The following YWHAZ variants were observed in gnomAD, a reference collection of about 807,000 sequenced individuals.
YWHAZ encodes the protein 14-3-3 protein zeta/delta.
For synonymous variants in YWHAZ, 87 were observed against 103.6 expected (o/e 0.84, Z 0.97); for missense variants, 79 against 284.8 (o/e 0.28, Z 5.20).
At position 100,916,552 on chromosome 8, in the gene YWHAZ, A is replaced by C. The variant is rs888879835; in HGVS notation, c.*4141T>G. ...CAAAGCAAACATCCAATGTTAGAAA[A>C]TGTAAGCACAAACTGAAAATTCATA... On this transcript the variant is annotated 3_prime_UTR_variant, in exon 6 of 6. Coordinates refer to ENST00000395958, the MANE Select transcript of YWHAZ (RefSeq NM_145690.3). 10 of 152,258 alleles carry C rather than the reference A, an allele frequency of 6.6e-5. No individual in the cohort carries two copies. The highest frequency in any genetic ancestry group is 2.9e-5 in the Non-Finnish European group (2 of 68,036). The allele number at this position is 152,258 out of a possible 1,614,324, so 9.4% of individuals were successfully genotyped here. A position where few individuals can be genotyped will look rare whatever the true frequency, so the allele number is the denominator to read the frequency against.
In YWHAZ at chr8:100,943,108, G is replaced by T. The variant is rs1262930847; in HGVS notation, c.294+5488C>A. 3.9e-5 allele frequency among the ~76,000 whole-genome samples: 6 copies of T among 152,222 alleles called. No individual in the cohort carries two copies. The East Asian group carries it at 1.2e-3, about 29-fold the overall frequency. On this transcript the variant is annotated intron_variant, in intron 2 of 5. Coordinates refer to ENST00000395958, the MANE Select transcript of YWHAZ (RefSeq NM_145690.3). ...TGAGTCCAACATGTCGTGTGATTAA[G>T]TCTAGAAAACATGCTAAAATTGGGT...
chr8:100,929,633 G>C (rs1030966379), intron 2 of YWHAZ, among the ~76,000 whole-genome samples: 1 of 152,184 alleles, frequency 6.6e-6, no homozygotes, highest in African/African-American at 2.4e-5. Flanking sequence ...TATCTAACCG[G>C]ATTTTTGTAC....
chr8:100,933,331 C>G (rs1813890696), intron 2 of YWHAZ, among the ~76,000 whole-genome samples: 2 of 150,980 alleles, frequency 1.3e-5, no homozygotes, highest in Non-Finnish European at 2.9e-5. Flanking sequence ...TGCACTCCAG[C>G]CTGGGTAACA....
Position 100,948,099 on chromosome 8 carries a change from G to C in YWHAZ, c.294+497C>G. The C allele has an allele frequency of 6.5e-7, 1 of 1,534,760 alleles. No homozygotes were observed. Among genetic ancestry groups the C allele is most frequent in the Non-Finnish European group, 8.7e-7 (1 of 1,146,606 alleles). ...TACCTTCAAGAATTCAATGCAGGAA[G>C]AGGTTTCATAGTTGTGACGCCAGAG... On this transcript the variant is annotated intron_variant, in intron 2 of 5. Coordinates refer to ENST00000395958, the MANE Select transcript of YWHAZ (RefSeq NM_145690.3). The surrounding 1 kb of genome is among the most constrained non-coding windows in gnomAD (Gnocchi z 4.2).
At chr8:100,951,775 C>T in intron 1 of YWHAZ, 154 bp downstream of exon 1, 1 of 985,206 alleles carries the variant, frequency 1.0e-6, no homozygotes, top group Non-Finnish European at 1.2e-6. Flanking sequence ...GAAGAGGAGC[C>T]GCCGCCCGTG....
intron 1 of YWHAZ, chr8:100,951,058 T>G (rs1810719755): frequency 1.4e-3 from 269 of 186,662 alleles, no homozygotes; most frequent in Non-Finnish European, 2.0e-3. Context: ...CCCCCGCCCG[T>G]TCACAAGGAG....
chr8:100,951,889 G>A, intron 1 of YWHAZ, 40 bp downstream of exon 1: 5 of 992,010 alleles, frequency 5.0e-6, no homozygotes, highest in Non-Finnish European at 6.0e-6. Context: ...AGGCTGGCCT[G>A]GGACAGGAAG....
chr8:100,951,341 G>A (rs1810756378), intron 1 of YWHAZ: 22 of 984,234 alleles, frequency 2.2e-5, no homozygotes, highest in African/African-American at 3.5e-5. Context: ...CCGCGCCACC[G>A]CCTCCCGGGG....
intron 2 of YWHAZ, among the ~76,000 whole-genome samples, chr8:100,931,057 T>C (rs1404223075): frequency 1.4e-5 from 2 of 145,562 alleles, no homozygotes; most frequent in Admixed American, 1.4e-4. Flanking sequence ...TTTGAGATTT[T>C]AGAGATAAAA....
Position 100,918,429 on chromosome 8 carries a change from T to C in YWHAZ, c.*2264A>G, listed in dbSNP as rs1812807132. 1.1e-5 allele frequency: 1 copy of C among 95,090 alleles called. No homozygotes were observed. The highest frequency in any genetic ancestry group is 2.3e-5 in the Non-Finnish European group (1 of 44,334). The allele number at this position is 95,090 out of a possible 1,614,324, so 5.9% of individuals were successfully genotyped here. On this transcript the variant is annotated 3_prime_UTR_variant, in exon 6 of 6. Coordinates refer to ENST00000395958, the MANE Select transcript of YWHAZ (RefSeq NM_145690.3). Reference sequence around the variant, plus strand: ...TACTTTATATATATATATATATATATATATATATATATATAATTATTTTAC... The same window carrying C: ...TACTTTATATATATATATATATATACATATATATATATATAATTATTTTAC...
chr8:100,947,102 A>G (rs1245707119), intron 2 of YWHAZ, among the ~76,000 whole-genome samples: 3 of 150,982 alleles, frequency 2.0e-5, no homozygotes, highest in African/African-American at 7.3e-5. Context: ...AAATACAAAA[A>G]AATTAGCCGG....
Position 100,920,326 on chromosome 8 carries a change from A to C in YWHAZ, c.*367T>G. ...GTGACTGGAACCAATGATCCCTTTT[A>C]TTCCCCGCCAGGACAAACCAGTATG... On this transcript the variant is annotated 3_prime_UTR_variant, in exon 6 of 6. Transcript: ENST00000395958. 1 of 208,012 alleles carries C rather than the reference A, an allele frequency of 4.8e-6. No individual in the cohort carries two copies. The highest frequency in any genetic ancestry group is 9.7e-6 in the Non-Finnish European group (1 of 102,754). The allele number at this position is 208,012 out of a possible 1,614,324, so 12.9% of individuals were successfully genotyped here.
Position 100,922,045 on chromosome 8 carries a change from A to G in YWHAZ, c.679-1293T>C, listed in dbSNP as rs1813058953. 6.6e-6 allele frequency among the ~76,000 whole-genome samples: 1 copy of G among 152,208 alleles called. No homozygotes were observed. Among genetic ancestry groups the G allele is most frequent in the African/African-American group, 2.4e-5 (1 of 41,454 alleles). On this transcript the variant is annotated intron_variant, in intron 5 of 5. Coordinates refer to ENST00000395958, the MANE Select transcript of YWHAZ (RefSeq NM_145690.3). This position sits in a 1 kb window ranked among gnomAD's most constrained non-coding sequence, Gnocchi z 4.1. ...ACTTCCAAGGTCATACAGATAGCCA[A>G]ATGACCTCTTGGAAACTGTGTGCTC...
rs758882848 is a variant in YWHAZ at position 100,920,030 on chromosome 8, T to G, written c.*663A>C. 3.3e-5 allele frequency: 5 copies of G among 152,620 alleles called. No individual in the cohort carries two copies. Among genetic ancestry groups the G allele is most frequent in the Non-Finnish European group, 5.9e-5 (4 of 68,032 alleles). 9.5% of individuals were successfully genotyped at this position (152,620 alleles called of 1,614,324 possible). ...TTTGTTCTTAGGTTGCCTAAAACATTTAAATACAAATAAAATGAGTGTAGC... is the reference window on the plus strand; with the variant it reads ...TTTGTTCTTAGGTTGCCTAAAACATGTAAATACAAATAAAATGAGTGTAGC... On this transcript the variant is annotated 3_prime_UTR_variant, in exon 6 of 6. Transcript: ENST00000395958.
chr8:100,918,443 T>TATATATATA lies in YWHAZ; in HGVS notation c.*2249_*2250insTATATATAT, dbSNP rs1417316114. 9 of 117,056 alleles carry TATATATATA rather than the reference T, an allele frequency of 7.7e-5. No individual in the cohort carries two copies. In the East Asian group the frequency reaches 9.1e-4, roughly 12 times the overall value. The allele number at this position is 117,056 out of a possible 1,614,324, so 7.3% of individuals were successfully genotyped here. ...ATATATATATATATATATATATATA[T>TATATATATA]AATTATTTTACCTCCTTGGCTTGGG... is the stretch of plus-strand genomic sequence containing the variant. On this transcript the variant is annotated 3_prime_UTR_variant, in exon 6 of 6. Transcript: ENST00000395958.
At chr8:100,950,774 CCAGCGCCTTCCCCGCCACCGAT>C in intron 1 of YWHAZ, 1 of 195,586 alleles carries the variant, frequency 5.1e-6, no homozygotes, top group Non-Finnish European at 9.3e-6. Context: ...GCTCTCCCAC[CCAGCGCCTTCCCCGCCACCGAT>C]CAGCGCCGGT....
intron 1 of YWHAZ, chr8:100,951,459 C>T: frequency 1.0e-6 from 1 of 976,888 alleles, no homozygotes; most frequent in South Asian, 4.7e-5. Flanking sequence ...GCCTCACCTG[C>T]GCCACTGCGA....
intron 2 of YWHAZ, among the ~76,000 whole-genome samples, chr8:100,929,498 G>A (rs1813610544): frequency 6.6e-6 from 1 of 152,114 alleles, no homozygotes; most frequent in Admixed American, 6.5e-5. Context: ...ACTGCACCTG[G>A]CCTCAAACAT....
chr8:100,929,571 T>C lies in YWHAZ; in HGVS notation c.295-4532A>G, dbSNP rs533010488. 1.3e-4 allele frequency among the ~76,000 whole-genome samples: 20 copies of C among 152,340 alleles called. No individual in the cohort carries two copies. In the South Asian group the frequency reaches 3.9e-3, roughly 30 times the overall value. On this transcript the variant is annotated intron_variant, in intron 2 of 5. Transcript: ENST00000395958. ...TAGCTACTTTGGTAGAATAAATAAA[T>C]GTTAACTATAATTTCCCTACTGTAC...
Sources: allele counts gnomAD v4.1 joint callset (sites outside exome capture counted in the v4.1 genomes callset), GRCh38; gene constraint gnomAD v4.1.1; non-coding constraint Gnocchi (gnomAD v3.1); transcripts MANE v1.5; gene names NCBI Gene and HGNC (gene_info 2026-07-23, HGNC 2026-07-21).